The following ADAM22 variants were observed in gnomAD, a reference collection of about 807,000 sequenced individuals.
The protein encoded by ADAM22 is disintegrin and metalloproteinase domain-containing protein 22.
In ADAM22, 65 loss-of-function variants were observed where a neutral mutation model predicts 144.6. The ratio of observed to expected loss-of-function variants is 0.45; its 90% CI spans 0.37 to 0.55. The LOEUF (loss-of-function observed/expected upper bound fraction) is 0.55, where lower values mean the gene tolerates loss of function less well. ADAM22 is among the 20% of genes least tolerant of loss of function. The probability of loss-of-function intolerance (pLI) is 0.00; values close to 1 mark genes in which losing one functional copy is unlikely to be tolerated. For synonymous variants in ADAM22, 391 were observed against 412.6 expected (o/e 0.95, Z 0.63); for missense variants, 974 against 1,184.9 (o/e 0.82, Z 2.61).
Position 87,990,670 on chromosome 7 carries a change from C to CT in ADAM22, c.323+12268dup, listed in dbSNP as rs1406237243. ...GTACATTTATTTCTCCCCTTTTCTTCTTTTTTTTTTGAGATAGAGTCTTGC... is the reference window on the plus strand; with the variant it reads ...GTACATTTATTTCTCCCCTTTTCTTCTTTTTTTTTTTGAGATAGAGTCTTGC... On this transcript the variant is annotated intron_variant, in intron 3 of 31. Transcript: ENST00000413139. 5.1e-3 allele frequency among the ~76,000 whole-genome samples: 754 copies of CT among 148,698 alleles called. 2 individuals carry two copies. Among genetic ancestry groups the CT allele is most frequent in the Middle Eastern group, 6.8e-3 (2 of 292 alleles).
chr7:87,959,981 T>C (rs1370008568), intron 2 of ADAM22, among the ~76,000 whole-genome samples: 1 of 152,166 alleles, frequency 6.6e-6, no homozygotes, highest in East Asian at 1.9e-4. Context: ...TTAATTATTG[T>C]GCTGTTTTTG....
chr7:87,935,338 A>G (rs1204614109), intron 2 of ADAM22, 152 bp downstream of exon 2: 1 of 952,796 alleles, frequency 1.0e-6, no homozygotes, highest in Non-Finnish European at 1.5e-6. Context: ...CCTGTGCAAA[A>G]AAGAAGGGGA....
intron 2 of ADAM22, among the ~76,000 whole-genome samples, chr7:87,971,724 CTGATT>C (rs1850487749): frequency 1.3e-5 from 2 of 152,186 alleles, no homozygotes; most frequent in African/African-American, 4.8e-5. Flanking sequence ...TGGTATTATA[CTGATT>C]CTCTCTTCTC....
intron 25 of ADAM22, among the ~76,000 whole-genome samples, chr7:88,168,692 T>A (rs1233081224): frequency 6.6e-6 from 1 of 152,178 alleles, no homozygotes; most frequent in Non-Finnish European, 1.5e-5. Context: ...ATGTGAAAAA[T>A]TTCTTTGTAT....
At chr7:88,080,505 A>C (rs962273601) in intron 4 of ADAM22, among the ~76,000 whole-genome samples, 1 of 152,204 alleles carries the variant, frequency 6.6e-6, no homozygotes, top group Non-Finnish European at 1.5e-5. Context: ...TCAGAGCAGA[A>C]CTGAAGGAAA....
At chr7:88,032,563 G>T (rs948846597) in intron 3 of ADAM22, among the ~76,000 whole-genome samples, 3 of 152,196 alleles carry the variant, frequency 2.0e-5, no homozygotes, top group African/African-American at 7.2e-5. Context: ...TTGAGTTAAT[G>T]CTGGAATGAG....
intron 4 of ADAM22, among the ~76,000 whole-genome samples, chr7:88,105,189 G>C (rs1445362876): frequency 6.6e-6 from 1 of 152,036 alleles, no homozygotes; most frequent in Non-Finnish European, 1.5e-5. Flanking sequence ...TTTCTAGTCT[G>C]ATACCATAAT....
At chr7:88,152,266 A>T (rs1362046994) in intron 20 of ADAM22, among the ~76,000 whole-genome samples, 7 of 152,126 alleles carry the variant, frequency 4.6e-5, no homozygotes, top group African/African-American at 9.6e-5. Flanking sequence ...TGTTTTTTTT[A>T]AAAATATACC....
At chr7:88,052,457 G>T (rs575256115) in intron 3 of ADAM22, among the ~76,000 whole-genome samples, 30 of 151,140 alleles carry the variant, frequency 2.0e-4, no homozygotes, top group Non-Finnish European at 4.3e-4. Flanking sequence ...CGGAGATCAC[G>T]CCACTGCACT....
At chr7:88,129,237 G>T (rs1329544127) in intron 9 of ADAM22, among the ~76,000 whole-genome samples, 1 of 151,890 alleles carries the variant, frequency 6.6e-6, no homozygotes. Flanking sequence ...CAGTTAATGG[G>T]CATATTGCAG....
At chr7:88,130,564 T>A in intron 10 of ADAM22, 105 bp downstream of exon 10, 1 of 1,116,752 alleles carries the variant, frequency 9.0e-7, no homozygotes, top group East Asian at 2.6e-5. Context: ...TATGTTGCAC[T>A]TCAGCCAAGG....
chr7:87,958,932 A>G (rs1353016432), intron 2 of ADAM22, among the ~76,000 whole-genome samples: 2 of 151,936 alleles, frequency 1.3e-5, no homozygotes, highest in Non-Finnish European at 2.9e-5. Flanking sequence ...CTTTTAGTTT[A>G]TGGCTTATTT....
chr7:88,044,905 A>G (rs1286798559), intron 3 of ADAM22, among the ~76,000 whole-genome samples: 4 of 149,450 alleles, frequency 2.7e-5, no homozygotes, highest in African/African-American at 5.0e-5. Context: ...TTGTATTTTT[A>G]GTAGAGACGG....
chr7:88,149,089 T>C (rs375374604), intron 18 of ADAM22, 32 bp downstream of exon 18: 187 of 1,513,160 alleles, frequency 1.2e-4, no homozygotes, highest in Non-Finnish European at 1.7e-4. Context: ...CTAAAACTTA[T>C]GGGAAAAAGT....
At chr7:88,095,009 C>T (rs1430401496) in intron 4 of ADAM22, among the ~76,000 whole-genome samples, 1 of 152,178 alleles carries the variant, frequency 6.6e-6, no homozygotes, top group Non-Finnish European at 1.5e-5. Context: ...TTAAACAAGA[C>T]AAACATGTAG....
chr7:88,053,116 A>G (rs1249556092), intron 3 of ADAM22, among the ~76,000 whole-genome samples: 2 of 152,124 alleles, frequency 1.3e-5, no homozygotes, highest in Non-Finnish European at 2.9e-5. Context: ...GAGGGAGCCC[A>G]TGTATTCATG....
chr7:87,964,268 A>G (rs955807266), intron 2 of ADAM22, among the ~76,000 whole-genome samples: 5 of 152,226 alleles, frequency 3.3e-5, no homozygotes, highest in African/African-American at 9.6e-5. Context: ...ACGTGCACAC[A>G]CAAGCACTGT....
At chr7:88,118,651 C>A (rs13245442) in intron 7 of ADAM22, among the ~76,000 whole-genome samples, 10,218 of 146,236 alleles carry the variant, frequency 0.07, 457 homozygotes, top group Admixed American at 0.11. Context: ...ATCTATCTAT[C>A]TATCTATATA....
intron 3 of ADAM22, among the ~76,000 whole-genome samples, chr7:88,038,137 A>C (rs1801960039): frequency 6.6e-6 from 1 of 152,178 alleles, no homozygotes; most frequent in East Asian, 1.9e-4. Flanking sequence ...TGTGACTTTT[A>C]GCATTCTCCA....
Sources: allele counts gnomAD v4.1 joint callset (sites outside exome capture counted in the v4.1 genomes callset), GRCh38; gene constraint gnomAD v4.1.1; transcripts MANE v1.5; gene names NCBI Gene and HGNC (gene_info 2026-07-23, HGNC 2026-07-21).